The following TLN2 variants were observed in gnomAD, a reference collection of about 807,000 sequenced individuals.
TLN2 encodes talin 2, also known as talin-2.
In TLN2, 118 loss-of-function variants were observed where a neutral mutation model predicts 294.7. That is an observed-to-expected ratio of 0.40 (90% CI 0.34 to 0.47). TLN2 has a LOEUF of 0.47. Ranked by LOEUF, TLN2 falls within the 20% of genes least tolerant of loss-of-function variation. The probability of loss-of-function intolerance (pLI) is 0.84; values close to 1 mark genes in which losing one functional copy is unlikely to be tolerated. For synonymous variants in TLN2, 1,431 were observed against 1,304.5 expected (o/e 1.10, Z -2.09); for missense variants, 3,083 against 3,282.2 (o/e 0.94, Z 1.48).
rs936265148 is a variant in TLN2, at chr15:62,674,024, G to C, written c.852+134G>C. The C allele has an allele frequency of 5.1e-6, 3 of 590,566 alleles. No individual in the cohort carries two copies. In the Admixed American group the frequency reaches 9.8e-5, roughly 19 times the overall value. 36.6% of individuals were successfully genotyped at this position (590,566 alleles called of 1,614,324 possible). A position where few individuals can be genotyped will look rare whatever the true frequency, so the allele number is the denominator to read the frequency against. On this transcript the variant is annotated intron_variant, in intron 10 of 58. Transcript: ENST00000636159. ...ATATAATAAATGATTAGTGACTCAA[G>C]AGTATAGAAGCTGACAGTCCTACTT...
intron 44 of TLN2, among the ~76,000 whole-genome samples, chr15:62,782,359 GC>G (rs1567594526): frequency 6.6e-6 from 1 of 152,220 alleles, no homozygotes; most frequent in East Asian, 1.9e-4. Context: ...TCTCAGGGGA[GC>G]ATGGAGGACG....
chr15:62,682,402 A>C (rs1460019147), intron 11 of TLN2, among the ~76,000 whole-genome samples: 1 of 152,170 alleles, frequency 6.6e-6, no homozygotes, highest in East Asian at 1.9e-4. Flanking sequence ...CTCCATACAG[A>C]GCATGTCTGC....
intron 1 of TLN2, among the ~76,000 whole-genome samples, chr15:62,404,713 C>A (rs974616881): frequency 6.7e-6 from 1 of 149,664 alleles, no homozygotes; most frequent in Non-Finnish European, 1.5e-5. Flanking sequence ...CCAAGGGGGG[C>A]GTGGATTATT....
intron 55 of TLN2, chr15:62,834,517 ATCT>A (rs1216484878): frequency 2.0e-5 from 3 of 152,244 alleles, no homozygotes; most frequent in Admixed American, 6.5e-5. Context: ...TAGGCTGTAC[ATCT>A]TCTTCCAGGA....
intron 1 of TLN2, among the ~76,000 whole-genome samples, chr15:62,402,536 T>G (rs1421555026): frequency 6.6e-6 from 1 of 152,194 alleles, no homozygotes; most frequent in Non-Finnish European, 1.5e-5. Flanking sequence ...CTTACTGTCC[T>G]CGGAAAGAAA....
At chr15:62,615,629 A>G (rs1424724147) in intron 2 of TLN2, among the ~76,000 whole-genome samples, 1 of 152,212 alleles carries the variant, frequency 6.6e-6, no homozygotes, top group Non-Finnish European at 1.5e-5. Context: ...TTATGTTCAT[A>G]TGCACGTGTG....
chr15:62,817,928 A>G (rs1332572422), intron 52 of TLN2, among the ~76,000 whole-genome samples: 3 of 137,124 alleles, frequency 2.2e-5, no homozygotes, highest in Non-Finnish European at 3.1e-5. Flanking sequence ...TCCTGCCTCA[A>G]CCTCCTGAAT....
At chr15:62,747,402 G>A (rs192837765) in intron 32 of TLN2, among the ~76,000 whole-genome samples, 296 of 152,240 alleles carry the variant, frequency 1.9e-3, no homozygotes, top group Non-Finnish European at 2.6e-3. Context: ...TAATTTTGTG[G>A]TCGCTTTTGG....
At chr15:62,621,000 G>A (rs572293535) in intron 3 of TLN2, among the ~76,000 whole-genome samples, 3 of 151,460 alleles carry the variant, frequency 2.0e-5, no homozygotes, top group South Asian at 2.1e-4. Context: ...CACCACGCCC[G>A]GCTAATTTTT....
At chr15:62,665,258 C>T (rs935584891) in intron 9 of TLN2, among the ~76,000 whole-genome samples, 7 of 152,036 alleles carry the variant, frequency 4.6e-5, no homozygotes, top group Non-Finnish European at 8.8e-5. Context: ...GTTTGATGCC[C>T]AAGCTGGTCT....
chr15:62,620,244 A>T (rs984391269), intron 3 of TLN2, among the ~76,000 whole-genome samples: 1 of 152,100 alleles, frequency 6.6e-6, no homozygotes, highest in African/African-American at 2.4e-5. Flanking sequence ...TTTAAACTGC[A>T]ATGTTTATAA....
chr15:62,660,654 A>T (rs1235021146), intron 9 of TLN2, among the ~76,000 whole-genome samples: 1 of 152,222 alleles, frequency 6.6e-6, no homozygotes, highest in African/African-American at 2.4e-5. Flanking sequence ...AAAATATGCC[A>T]TGTGATGTGG....
intron 1 of TLN2, among the ~76,000 whole-genome samples, chr15:62,465,676 C>G (rs763461863): frequency 2.0e-5 from 3 of 152,216 alleles, no homozygotes; most frequent in Non-Finnish European, 2.9e-5. Flanking sequence ...AATACTAAGT[C>G]TGTCCCCTAA....
At chr15:62,396,830 A>G (rs1246434680) in intron 1 of TLN2, among the ~76,000 whole-genome samples, 1 of 152,020 alleles carries the variant, frequency 6.6e-6, no homozygotes, top group Non-Finnish European at 1.5e-5. Flanking sequence ...TCAGCCTCTC[A>G]AGTAGCTGGG....
At chr15:62,652,920 T>C (rs1567269166) in intron 6 of TLN2, among the ~76,000 whole-genome samples, 1 of 152,078 alleles carries the variant, frequency 6.6e-6, no homozygotes, top group Non-Finnish European at 1.5e-5. Context: ...TTTTTAAAAA[T>C]TCGTTTTTGA....
intron 1 of TLN2, among the ~76,000 whole-genome samples, chr15:62,392,844 T>C (rs2032212855): frequency 6.6e-6 from 1 of 152,162 alleles, no homozygotes; most frequent in South Asian, 2.1e-4. Flanking sequence ...CCCTGATTCA[T>C]TTCATGAAGC....
chr15:62,428,648 A>C (rs1415024014), intron 1 of TLN2, among the ~76,000 whole-genome samples: 1 of 152,198 alleles, frequency 6.6e-6, no homozygotes, highest in East Asian at 1.9e-4. Context: ...GAATGTGGTA[A>C]ATGCTTTTGA....
chr15:62,655,985 G>A lies in TLN2; in HGVS notation c.559G>A (p.Val187Ile). The A allele has an allele frequency of 1.9e-6, 3 of 1,614,208 alleles. No individual in the cohort carries two copies. Among genetic ancestry groups the A allele is most frequent in the Non-Finnish European group, 2.5e-6 (3 of 1,180,046 alleles). Reference protein sequence around the residue: ...DHSRTFREQGVDENETLLLRR... With the variant: ...DHSRTFREQGIDENETLLLRR... ...CAGCCGAACATTCAGAGAACAAGGA[G>A]TAGATGAAAACGAAACGTTGCTGCT... The change falls in exon 8 of 59, where the codon GTA becomes ATA. Residue 187 changes from valine (V) to isoleucine (I), a missense_variant. Val to Ile is a conservative substitution (Grantham distance 29). Transcript: ENST00000636159.
intron 12 of TLN2, among the ~76,000 whole-genome samples, chr15:62,692,369 G>C (rs2141066449): frequency 6.6e-6 from 1 of 152,328 alleles, no homozygotes; most frequent in South Asian, 2.1e-4. Context: ...GGGCCTGGGA[G>C]GGTCTGAGGT....
Sources: gnomAD v4.1 joint callset for allele counts (sites outside exome capture counted in the v4.1 genomes callset) on GRCh38, gnomAD v4.1.1 for gene constraint, MANE v1.5 for transcripts, NCBI Gene and HGNC (gene_info 2026-07-23, HGNC 2026-07-21) for gene names.